The following SLFN12 variants were observed in gnomAD, a reference collection of about 807,000 sequenced individuals.
SLFN12 encodes the protein schlafen family member 12, also known as ribonuclease SLFN12.
In SLFN12, 25 loss-of-function variants were observed where a neutral mutation model predicts 29.1. The observed-to-expected ratio is 0.86, with a 90% CI of 0.63 to 1.20. SLFN12 has a LOEUF of 1.20. SLFN12 is among the 50% of genes most tolerant of loss of function. SLFN12 has a pLI of 0.00. For synonymous variants in SLFN12, 257 were observed against 238.7 expected (o/e 1.08, Z -0.71); for missense variants, 660 against 666.2 (o/e 0.99, Z 0.10).
upstream of SLFN12, among the ~76,000 whole-genome samples, chr17:35,432,690 T>C (rs762544043): frequency 2.3e-4 from 35 of 152,282 alleles, no homozygotes; most frequent in Middle Eastern, 3.4e-3. Context: ...AAGGAGGGGC[T>C]ACAAAGGAAG....
intron 3 of SLFN12, among the ~76,000 whole-genome samples, chr17:35,418,639 G>C (rs1256832477): frequency 6.6e-6 from 1 of 152,016 alleles, no homozygotes; most frequent in East Asian, 1.9e-4. Flanking sequence ...GCTATTAGTA[G>C]TTAACTTTTT....
At position 35,422,077 on chromosome 17, in the gene SLFN12, C is replaced by A. The variant is rs749198608; in HGVS notation, c.952G>T (p.Glu318Ter). The A allele has an allele frequency of 6.2e-7, 1 of 1,614,108 alleles. No individual in the cohort carries two copies. Among genetic ancestry groups the A allele is most frequent in the Non-Finnish European group, 8.5e-7 (1 of 1,180,012 alleles). ...TCTTTCACATGCCAGGAATCAGGCT[C>A]TTTAGCAAACACTGCACAGCAGAAG... ...ERFCCAVFAK[E>*]PDSWHVKDNR... Residue 318 changes from glutamate to a stop codon, truncating the protein, a stop_gained, in exon 2 of 4, where the codon GAG (glutamate) becomes TAG (stop). Transcript: ENST00000304905. LOFTEE classifies it high-confidence loss of function.
At chr17:35,418,717 A>G (rs1453087782) in intron 3 of SLFN12, among the ~76,000 whole-genome samples, 1 of 152,086 alleles carries the variant, frequency 6.6e-6, no homozygotes, top group Non-Finnish European at 1.5e-5. Context: ...GTACTTAGTA[A>G]TATGATGAAG....
intron 2 of SLFN12, chr17:35,420,592 T>C (rs781143735): frequency 4.0e-5 from 15 of 372,900 alleles, no homozygotes; most frequent in Non-Finnish European, 6.7e-5. Context: ...AAATGAAAAT[T>C]AACAGTAAAA....
At position 35,429,251 on chromosome 17, in the gene SLFN12, G is replaced by C. The variant is rs949772506; in HGVS notation, c.-41+2937C>G. ...GGTGCTCATACCACTGAGAAACTTGGAACCCATGGGAGCTGCAGTTGAGCC... is the reference window on the plus strand; with the variant it reads ...GGTGCTCATACCACTGAGAAACTTGCAACCCATGGGAGCTGCAGTTGAGCC... On this transcript the variant is annotated intron_variant, in intron 1 of 3. Coordinates refer to ENST00000304905, the MANE Select transcript of SLFN12 (RefSeq NM_018042.5). Among the ~76,000 whole-genome samples the C allele has an allele frequency of 3.9e-5, 6 of 151,956 alleles. 1 individual carries two copies. The highest frequency in any genetic ancestry group is 3.9e-4 in the Admixed American group (6 of 15,268).
Position 35,423,767 on chromosome 17 carries a change from T to C in SLFN12, c.-40-699A>G, listed in dbSNP as rs571623203. Among the ~76,000 whole-genome samples the C allele has an allele frequency of 6.5e-3, 988 of 152,246 alleles. 5 individuals carry two copies. Among genetic ancestry groups the C allele is most frequent in the Non-Finnish European group, 0.011 (716 of 68,012 alleles). On this transcript the variant is annotated intron_variant, in intron 1 of 3. Transcript: ENST00000304905. The stretch of plus-strand genomic sequence containing the variant: ...GTTGAAATTATAACTCCTGAGGTGA[T>C]GAGGTTTTTGGGAAGTGATCAGGTT...
chr17:35,428,621 T>C (rs1393503196), intron 1 of SLFN12, among the ~76,000 whole-genome samples: 3 of 152,032 alleles, frequency 2.0e-5, no homozygotes, highest in Non-Finnish European at 2.9e-5. Flanking sequence ...CCTGGGTCCA[T>C]AGAAGAAAGC....
intron 3 of SLFN12, among the ~76,000 whole-genome samples, chr17:35,418,053 G>A (rs551510097): frequency 6.6e-6 from 1 of 152,048 alleles, no homozygotes; most frequent in Non-Finnish European, 1.5e-5. Flanking sequence ...ATCTAGAGAT[G>A]CACTGTAACT....
At chr17:35,417,796 A>G (rs1264565868) in intron 3 of SLFN12, among the ~76,000 whole-genome samples, 3 of 152,138 alleles carry the variant, frequency 2.0e-5, no homozygotes, top group Admixed American at 6.5e-5. Flanking sequence ...TAAACTCAGT[A>G]TGTAAAAATC....
At chr17:35,418,399 A>G (rs1911437801) in intron 3 of SLFN12, among the ~76,000 whole-genome samples, 1 of 152,148 alleles carries the variant, frequency 6.6e-6, no homozygotes, top group Non-Finnish European at 1.5e-5. Context: ...CTCAGCCTAC[A>G]CAACGTGAAG....
At chr17:35,412,287 G>A (rs918294784) in intron 3 of SLFN12, among the ~76,000 whole-genome samples, 2 of 152,108 alleles carry the variant, frequency 1.3e-5, no homozygotes, top group Admixed American at 1.3e-4. Flanking sequence ...AAATCTCAGA[G>A]AAAATGAAGC....
At chr17:35,425,344 G>A (rs1370700110) in intron 1 of SLFN12, among the ~76,000 whole-genome samples, 1 of 152,010 alleles carries the variant, frequency 6.6e-6, no homozygotes, top group Non-Finnish European at 1.5e-5. Flanking sequence ...GTTAACTATA[G>A]TAATCATATT....
intron 3 of SLFN12, among the ~76,000 whole-genome samples, chr17:35,419,335 C>T (rs1911493890): frequency 6.6e-6 from 1 of 152,070 alleles, no homozygotes; most frequent in South Asian, 2.1e-4. Flanking sequence ...TGCAAGCCAC[C>T]AGCTTGGAGA....
rs1222869868 is a variant in SLFN12 at position 35,411,069 on chromosome 17, T to A, written c.*269A>T. ...AATAAAAGTGTTGCAATTTTCCCAG[T>A]TCAAGCATGGAAGAAAATTTATTCA... On this transcript the variant is annotated 3_prime_UTR_variant, in exon 4 of 4. Transcript: ENST00000304905. 2 of 234,016 alleles carry A rather than the reference T, an allele frequency of 8.5e-6. No individual in the cohort carries two copies. The highest frequency in any genetic ancestry group is 1.6e-5 in the Non-Finnish European group (2 of 121,590). 14.5% of individuals were successfully genotyped at this position (234,016 alleles called of 1,614,324 possible).
At chr17:35,425,561 C>T (rs969203106) in intron 1 of SLFN12, among the ~76,000 whole-genome samples, 2 of 151,934 alleles carry the variant, frequency 1.3e-5, no homozygotes, top group African/African-American at 2.4e-5. Flanking sequence ...ACATAAAGTC[C>T]TCCAGATTCA....
intron 3 of SLFN12, among the ~76,000 whole-genome samples, chr17:35,418,420 C>T (rs377378961): frequency 1.3e-5 from 2 of 152,158 alleles, no homozygotes; most frequent in South Asian, 2.1e-4. Context: ...GCAATGAGTA[C>T]GAAGACCTCT....
At position 35,411,008 on chromosome 17, in the gene SLFN12, G is replaced by A. The variant is rs949141886; in HGVS notation, c.*330C>T. ...TTTTGTAAGTTATAATTGTTTTCTAGGTATATGCTGGGAGATTTTCACTGT... is the reference window on the plus strand; with the variant it reads ...TTTTGTAAGTTATAATTGTTTTCTAAGTATATGCTGGGAGATTTTCACTGT... On this transcript the variant is annotated 3_prime_UTR_variant, in exon 4 of 4. Coordinates refer to ENST00000304905, the MANE Select transcript of SLFN12 (RefSeq NM_018042.5). The A allele has an allele frequency of 3.0e-5, 5 of 166,694 alleles. No individual in the cohort carries two copies. The highest frequency in any genetic ancestry group is 5.1e-5 in the Non-Finnish European group (4 of 78,366). The allele number at this position is 166,694 out of a possible 1,614,324, so 10.3% of individuals were successfully genotyped here.
chr17:35,419,919 A>T (rs2142038033), intron 3 of SLFN12, among the ~76,000 whole-genome samples: 1 of 152,272 alleles, frequency 6.6e-6, no homozygotes, highest in African/African-American at 2.4e-5. Flanking sequence ...TCAATCAGAG[A>T]TCCTGAGTAC....
intron 1 of SLFN12, chr17:35,430,341 G>A (rs1421196775): frequency 1.3e-5 from 2 of 152,044 alleles, no homozygotes; most frequent in Admixed American, 6.5e-5. Flanking sequence ...TGGTCTGTTG[G>A]GGCCATGAGC....
Sources: allele counts gnomAD v4.1 joint callset (sites outside exome capture counted in the v4.1 genomes callset), GRCh38; gene constraint gnomAD v4.1.1; transcripts MANE v1.5; gene names NCBI Gene and HGNC (gene_info 2026-07-23, HGNC 2026-07-21).